KCNN2: variants seen among roughly 807,000 people sequenced by gnomAD.
KCNN2 encodes the protein small conductance calcium-activated potassium channel protein 2.
KCNN2 carries 24 observed loss-of-function variants against 55.5 expected under a neutral mutation model. The observed-to-expected ratio is 0.43, with a 90% CI of 0.31 to 0.61. KCNN2 has a LOEUF of 0.61. Among genes scored for constraint, KCNN2 ranks in the 20% least tolerant of loss-of-function variants. KCNN2 has a pLI of 0.08. For missense variants in KCNN2, 754 were observed against 853.6 expected, an observed-to-expected ratio of 0.88 and a Z score of 1.45; for synonymous variants, 431 against 336.1, an observed-to-expected ratio of 1.28 and a Z score of -3.09.
At chr5:114,282,173 A>G (rs1452490519) in intron 2 of KCNN2, among the ~76,000 whole-genome samples, 1 of 151,940 alleles carries the variant, frequency 6.6e-6, no homozygotes, top group African/African-American at 2.4e-5. Context: ...TAATTCAACT[A>G]TTTATTTCTT....
In KCNN2 at chr5:114,475,041, A is replaced by G. The variant is rs187323207; in HGVS notation, c.1890+1877A>G. ...TATTACTTTGGAATATTGATATTCCATATCTTAATTATTAAAACATTTTAA... is the reference window on the plus strand; with the variant it reads ...TATTACTTTGGAATATTGATATTCCGTATCTTAATTATTAAAACATTTTAA... On this transcript the variant is annotated intron_variant, in intron 5 of 7. Coordinates refer to ENST00000673685, the MANE Select transcript of KCNN2 (RefSeq NM_021614.4). Among the ~76,000 whole-genome samples the G allele has an allele frequency of 5.7e-4, 87 of 152,346 alleles. 2 individuals carry two copies. Among genetic ancestry groups the G allele is most frequent in the Admixed American group, 4.9e-3 (75 of 15,306 alleles).
At chr5:114,292,031 TG>T (rs1184576147) in intron 2 of KCNN2, among the ~76,000 whole-genome samples, 19 of 149,354 alleles carry the variant, frequency 1.3e-4, no homozygotes, top group African/African-American at 4.7e-4. Context: ...CACTTTTTGA[TG>T]GGGTTGTTTG....
rs1335129045 is a variant in KCNN2 at position 114,149,504 on chromosome 5, A to G, written c.-270-71976A>G. On this transcript the variant is annotated intron_variant, in intron 1 of 10. Coordinates refer to the KCNN2 transcript ENST00000512097. ...GCCTTCTGGTCCCGTGATGCCGCCA[A>G]TGCACTGGATATACCAGCATTTATT... Among the ~76,000 whole-genome samples the G allele has an allele frequency of 3.3e-5, 5 of 152,138 alleles. No homozygotes were observed. The South Asian group carries it at 8.3e-4, about 25-fold the overall frequency.
intron 1 of KCNN2, among the ~76,000 whole-genome samples, chr5:114,181,161 A>G (rs1293648128): frequency 6.6e-6 from 1 of 152,148 alleles, no homozygotes; most frequent in Non-Finnish European, 1.5e-5. Context: ...TTGCTTGGTC[A>G]TAGGGTAGAT....
At chr5:114,289,993 G>A (rs61119190) in intron 2 of KCNN2, among the ~76,000 whole-genome samples, 1 of 151,994 alleles carries the variant, frequency 6.6e-6, no homozygotes, top group East Asian at 1.9e-4. Context: ...AAACACAACT[G>A]TACTGTGTTT....
chr5:114,427,232 C>CT (rs553542733), intron 3 of KCNN2, among the ~76,000 whole-genome samples: 68 of 152,310 alleles, frequency 4.5e-4, no homozygotes, highest in South Asian at 1.0e-3. Flanking sequence ...TCACCTGGTA[C>CT]TTTAAGAATC....
intron 3 of KCNN2, among the ~76,000 whole-genome samples, chr5:114,454,027 C>T (rs1281245347): frequency 6.6e-6 from 1 of 152,092 alleles, no homozygotes; most frequent in Non-Finnish European, 1.5e-5. Context: ...CCTGTGTCCA[C>T]GCATTCTCAT....
intron 2 of KCNN2, among the ~76,000 whole-genome samples, chr5:114,364,616 C>CTTT (rs398065116): frequency 1.4e-5 from 2 of 138,508 alleles, no homozygotes; most frequent in Non-Finnish European, 3.2e-5. Context: ...CTTGTGAGTT[C>CTTT]TTTTTTTTTT....
chr5:114,208,090 G>T (rs1753810671), intron 1 of KCNN2, among the ~76,000 whole-genome samples: 1 of 152,076 alleles, frequency 6.6e-6, no homozygotes, highest in Non-Finnish European at 1.5e-5. Flanking sequence ...ATGAGCTCAG[G>T]AATTAAAACA....
intron 2 of KCNN2, among the ~76,000 whole-genome samples, chr5:114,375,645 A>C (rs544643184): frequency 6.6e-6 from 1 of 152,138 alleles, no homozygotes; most frequent in Non-Finnish European, 1.5e-5. Context: ...AAATTTTAAT[A>C]CTGTTGTTGA....
chr5:114,494,133 A>G (rs964654421), intron 7 of KCNN2, among the ~76,000 whole-genome samples: 4 of 152,062 alleles, frequency 2.6e-5, no homozygotes, highest in African/African-American at 9.7e-5. Flanking sequence ...ATATTTGTCA[A>G]TAATCAAAAC....
intron 2 of KCNN2, among the ~76,000 whole-genome samples, chr5:114,229,991 G>C (rs569549492): frequency 1.2e-4 from 19 of 152,134 alleles, no homozygotes; most frequent in African/African-American, 4.6e-4. Context: ...AGGTCTATTA[G>C]ATAAATACTC....
intron 6 of KCNN2, among the ~76,000 whole-genome samples, chr5:114,492,701 C>T (rs1481144748): frequency 6.6e-6 from 1 of 151,940 alleles, no homozygotes; most frequent in Non-Finnish European, 1.5e-5. Flanking sequence ...GTAGAGATTC[C>T]ATCTGCCAGA....
intron 1 of KCNN2, among the ~76,000 whole-genome samples, chr5:114,093,808 T>C (rs1751198579): frequency 6.6e-6 from 1 of 152,186 alleles, no homozygotes; most frequent in African/African-American, 2.4e-5. Context: ...CTCCACCTGG[T>C]CTCTCCCTTG....
intron 2 of KCNN2, among the ~76,000 whole-genome samples, chr5:114,364,810 C>G (rs1338133079): frequency 6.6e-6 from 1 of 151,710 alleles, no homozygotes; most frequent in Non-Finnish European, 1.5e-5. Flanking sequence ...GGACTTTTTT[C>G]AGCTTAGAAT....
rs140601720 is a variant in KCNN2 at position 114,482,006 on chromosome 5, T to C, written c.1891-5044T>C. On this transcript the variant is annotated intron_variant, in intron 5 of 7. Coordinates refer to ENST00000673685, the MANE Select transcript of KCNN2 (RefSeq NM_021614.4). ...TTTATGACAGAAATGCCAAAAGCAA[T>C]TGCAACAAGCAAAAATTGACAAATG... is the stretch of plus-strand genomic sequence containing the variant. Among the ~76,000 whole-genome samples the C allele has an allele frequency of 4.4e-3, 671 of 152,186 alleles. 4 individuals carry two copies. Among genetic ancestry groups the C allele is most frequent in the Middle Eastern group, 0.017 (5 of 294 alleles).
At chr5:114,440,048 T>G (rs1760150633) in intron 3 of KCNN2, among the ~76,000 whole-genome samples, 1 of 152,002 alleles carries the variant, frequency 6.6e-6, no homozygotes, top group African/African-American at 2.4e-5. Context: ...ACATAAGACA[T>G]AAGCCTCCCT....
At chr5:114,211,643 T>C (rs1753887875) in intron 1 of KCNN2, among the ~76,000 whole-genome samples, 1 of 152,020 alleles carries the variant, frequency 6.6e-6, no homozygotes, top group Non-Finnish European at 1.5e-5. Flanking sequence ...ATAATCTATA[T>C]ACCAAAACCG....
At chr5:114,311,407 A>T (rs929183301) in intron 2 of KCNN2, among the ~76,000 whole-genome samples, 1 of 152,166 alleles carries the variant, frequency 6.6e-6, no homozygotes, top group African/African-American at 2.4e-5. Context: ...ACAACCATGG[A>T]TGTGGAACCT....
Sources: gnomAD v4.1 joint callset for allele counts (sites outside exome capture counted in the v4.1 genomes callset) on GRCh38, gnomAD v4.1.1 for gene constraint, MANE v1.5 for transcripts, NCBI Gene and HGNC (gene_info 2026-07-23, HGNC 2026-07-21) for gene names.